ADAM12: variants seen among roughly 807,000 people sequenced by gnomAD.
The protein encoded by ADAM12 is disintegrin and metalloproteinase domain-containing protein 12.
ADAM12 carries 70 observed loss-of-function variants against 106.4 expected under a neutral mutation model. The ratio of observed to expected loss-of-function variants is 0.66; its 90% CI spans 0.54 to 0.80. The LOEUF is 0.80. ADAM12 is among the 30% of genes least tolerant of loss of function. The pLI, the probability that ADAM12 is intolerant of heterozygous loss-of-function variation, is 0.00. For synonymous variants in ADAM12, 420 were observed against 433.5 expected, an observed-to-expected ratio of 0.97 and a Z score of 0.39; for missense variants, 1,010 against 1,171.9, an observed-to-expected ratio of 0.86 and a Z score of 2.02.
In ADAM12 at chr10:126,036,302, CTG is replaced by C; in HGVS notation, c.2371_2372del (p.Gln791ValfsTer5). ...PPKDNPRRLL[Q>X]CQNVDISRPL... ...GTCTGCTGATGTCAACATTCTGACA[CTG>C]CAGCAATCTCCTGGGATTGTCCTGT... is the stretch of plus-strand genomic sequence containing the variant. On this transcript the variant is annotated frameshift_variant, in exon 21 of 23. Coordinates refer to ENST00000448723, the MANE Select transcript of ADAM12 (RefSeq NM_001288973.2). LOFTEE classifies it high-confidence loss of function. The C allele has an allele frequency of 6.4e-7, 1 of 1,564,464 alleles. No individual in the cohort carries two copies.
At position 126,175,047 on chromosome 10, in the gene ADAM12, C is replaced by T. The variant is rs1208015131; in HGVS notation, c.261-19742G>A. ...CTGGGATTACAGGCATGAGCCACCG[C>T]GCCCGGCCACCCATTTTTATTAAAA... On this transcript the variant is annotated intron_variant, in intron 3 of 22. Coordinates refer to ENST00000448723, the MANE Select transcript of ADAM12 (RefSeq NM_001288973.2). 3.3e-5 allele frequency among the ~76,000 whole-genome samples: 5 copies of T among 152,292 alleles called. 1 individual carries two copies. The highest frequency in any genetic ancestry group is 7.2e-5 in the African/African-American group (3 of 41,558).
chr10:126,324,468 TAAG>T (rs1242147136), intron 2 of ADAM12, among the ~76,000 whole-genome samples: 2 of 152,178 alleles, frequency 1.3e-5, no homozygotes, highest in Non-Finnish European at 2.9e-5. Flanking sequence ...GGCATCATGC[TAAG>T]AAGCCTGGCT....
At position 126,118,124 on chromosome 10, in the gene ADAM12, G is replaced by A. The variant is rs140497576; in HGVS notation, c.517C>T (p.Arg173Trp). 4.5e-4 allele frequency: 731 copies of A among 1,614,134 alleles called. 4 individuals are homozygous for A. The African/African-American group carries it at 8.5e-3, about 19-fold the overall frequency. Residue 173 changes from arginine (R) to tryptophan (W), a missense_variant, in exon 6 of 23, where the codon CGG (arginine) becomes TGG (tryptophan). Arg to Trp is a moderately radical substitution (Grantham distance 101, BLOSUM62 -3). This residue lies in a region of ADAM12 where 391 missense variants were observed against 442.9 expected (regional missense o/e 0.88). Coordinates refer to ENST00000448723, the MANE Select transcript of ADAM12 (RefSeq NM_001288973.2). The stretch of plus-strand genomic sequence containing the variant: ...TTGTGATGTGATCCACATGATCCCC[G>A]GACGCTTTTCAGCTTCTTCGCTGGG... ...LFPAKKLKSV[R>W]GSCGSHHNTP...
chr10:126,364,650 G>A (rs961812888), intron 1 of ADAM12, among the ~76,000 whole-genome samples: 2 of 151,882 alleles, frequency 1.3e-5, no homozygotes, highest in African/African-American at 4.8e-5. Flanking sequence ...CTCACAAAAG[G>A]GTAGTGCTCA....
At chr10:126,095,237 A>G (rs897696790) in intron 10 of ADAM12, among the ~76,000 whole-genome samples, 1 of 152,130 alleles carries the variant, frequency 6.6e-6, no homozygotes, top group Non-Finnish European at 1.5e-5. Context: ...GAGGCCTTTA[A>G]GAAGTGATTG....
chr10:126,278,525 C>T (rs1304312573), intron 3 of ADAM12, among the ~76,000 whole-genome samples: 2 of 152,146 alleles, frequency 1.3e-5, no homozygotes, highest in African/African-American at 4.8e-5. Flanking sequence ...TGGTATTTCT[C>T]AGGGAGAAGA....
At chr10:126,026,514 C>T (rs533749617) in intron 21 of ADAM12, among the ~76,000 whole-genome samples, 59 of 152,260 alleles carry the variant, frequency 3.9e-4, no homozygotes, top group Non-Finnish European at 6.6e-4. Flanking sequence ...AAATTGATCA[C>T]GTAATCAGAA....
intron 3 of ADAM12, among the ~76,000 whole-genome samples, chr10:126,237,161 C>A (rs554708996): frequency 6.6e-6 from 1 of 152,264 alleles, no homozygotes; most frequent in East Asian, 1.9e-4. Flanking sequence ...CAGATATTTT[C>A]TTTAAAACTG....
At chr10:126,138,007 T>C (rs1956437787) in intron 4 of ADAM12, among the ~76,000 whole-genome samples, 1 of 152,236 alleles carries the variant, frequency 6.6e-6, no homozygotes, top group South Asian at 2.1e-4. Flanking sequence ...CCATTTTACA[T>C]TCCTGTGAGC....
chr10:126,071,930 G>T (rs1201199722), intron 11 of ADAM12, among the ~76,000 whole-genome samples: 1 of 152,226 alleles, frequency 6.6e-6, no homozygotes, highest in Non-Finnish European at 1.5e-5. Flanking sequence ...AAATCAATAA[G>T]TTCAGGCAGA....
chr10:126,173,310 T>A (rs2133767313), intron 3 of ADAM12, among the ~76,000 whole-genome samples: 1 of 152,326 alleles, frequency 6.6e-6, no homozygotes, highest in Non-Finnish European at 1.5e-5. Flanking sequence ...GAAGTCTGTT[T>A]GAGGTGACCT....
intron 9 of ADAM12, among the ~76,000 whole-genome samples, chr10:126,100,039 C>A (rs1955631395): frequency 6.6e-6 from 1 of 151,868 alleles, no homozygotes; most frequent in South Asian, 2.1e-4. Flanking sequence ...TATAATAGAG[C>A]TATGCTTTGC....
At chr10:126,290,961 G>A (rs1471851106) in intron 2 of ADAM12, among the ~76,000 whole-genome samples, 1 of 152,208 alleles carries the variant, frequency 6.6e-6, no homozygotes, top group African/African-American at 2.4e-5. Context: ...ACTTTCTAAT[G>A]TATGCTTACT....
At chr10:126,137,377 A>C (rs1956424563) in intron 4 of ADAM12, among the ~76,000 whole-genome samples, 1 of 152,174 alleles carries the variant, frequency 6.6e-6, no homozygotes, top group African/African-American at 2.4e-5. Flanking sequence ...TTGTCCTTTA[A>C]AATTAAGATT....
Position 126,043,219 on chromosome 10 carries a change from G to A in ADAM12, c.1996-71C>T, listed in dbSNP as rs1954224519. On this transcript the variant is annotated intron_variant, in intron 17 of 22. Coordinates refer to ENST00000448723, the MANE Select transcript of ADAM12 (RefSeq NM_001288973.2). The surrounding 1 kb of genome is among the most constrained non-coding windows in gnomAD (Gnocchi z 4.1). ...GTGCATCACCACAGCAGAAGCAAGG[G>A]GGGCCATGGTCAGAGCCCCCCCCCA... is the stretch of plus-strand genomic sequence containing the variant. The A allele has an allele frequency of 3.5e-6, 5 of 1,433,248 alleles. No individual in the cohort carries two copies. The highest frequency in any genetic ancestry group is 2.4e-5 in the East Asian group (1 of 42,260). 88.8% of individuals were successfully genotyped at this position (1,433,248 alleles called of 1,614,324 possible).
chr10:126,139,048 T>A (rs1956460956), intron 4 of ADAM12, among the ~76,000 whole-genome samples: 1 of 152,244 alleles, frequency 6.6e-6, no homozygotes, highest in Non-Finnish European at 1.5e-5. Context: ...CTCAAAGGTT[T>A]CTAGGTTATC....
intron 3 of ADAM12, among the ~76,000 whole-genome samples, chr10:126,157,679 G>A (rs1173659855): frequency 6.6e-6 from 1 of 152,232 alleles, no homozygotes; most frequent in East Asian, 1.9e-4. Flanking sequence ...CCCAAGTGCT[G>A]CCCCTCACTC....
At chr10:126,370,963 A>G (rs1422676628) in intron 1 of ADAM12, among the ~76,000 whole-genome samples, 3 of 152,234 alleles carry the variant, frequency 2.0e-5, no homozygotes, top group Admixed American at 1.3e-4. Flanking sequence ...TAAAGGGATT[A>G]GTCGAGAGTC....
rs767462610 is a variant in ADAM12 at position 126,046,056 on chromosome 10, C to T, written c.1994G>A (p.Gly665Glu). The T allele has an allele frequency of 1.2e-6, 2 of 1,613,942 alleles. No individual in the cohort carries two copies. The highest frequency in any genetic ancestry group is 1.1e-5 in the South Asian group (1 of 91,080). The change falls in exon 17 of 23, where the codon GGG (glycine) becomes GAG (glutamate). Residue 665 changes from glycine to glutamate, a missense_variant and splice_region_variant. Around this residue, in one of 3 missense-constraint regions of ADAM12, gnomAD observed 615 missense variants for 708.5 expected, o/e 0.87. Transcript: ENST00000448723. ...AAAAGGGCAGCTCAGCCTACTCACC[C>T]CTCTGCCGTGGCACTGCATTGCACA... ...HECAMQCHGR[G>E]VCNNRKNCHC...
Sources: gnomAD v4.1 joint callset for allele counts (sites outside exome capture counted in the v4.1 genomes callset) on GRCh38, gnomAD v4.1.1 for gene constraint, gnomAD v4.1.1 regional missense constraint, Gnocchi (gnomAD v3.1) non-coding constraint, MANE v1.5 for transcripts, NCBI Gene and HGNC (gene_info 2026-07-23, HGNC 2026-07-21) for gene names.